The following HHLA2 variants were observed in gnomAD, a reference collection of about 807,000 sequenced individuals.
HHLA2 encodes HHLA2 member of B7 family, also known as HERV-H LTR-associating protein 2.
HHLA2 carries 48 observed loss-of-function variants against 45.9 expected under a neutral mutation model. The ratio of observed to expected loss-of-function variants is 1.05; its 90% CI spans 0.83 to 1.33. HHLA2 has a LOEUF of 1.33. Among genes scored for constraint, HHLA2 ranks in the 40% most tolerant of loss-of-function variants. HHLA2 has a pLI of 0.00. For synonymous variants in HHLA2, 161 were observed against 173.9 expected, an observed-to-expected ratio of 0.93 and a Z score of 0.59; for missense variants, 462 against 494.3, an observed-to-expected ratio of 0.93 and a Z score of 0.62.
Position 108,362,328 on chromosome 3 carries a change from C to CTTT in HHLA2, c.1004-5_1004-3dup, listed in dbSNP as rs746402425. On this transcript the variant is annotated splice_polypyrimidine_tract_variant and intron_variant, in intron 7 of 10. Coordinates refer to ENST00000619531, the Ensembl canonical transcript of HHLA2. ...TTCCAGTTCACAGACTTTGTTTCTC[C>CTTT]TTTTTTTTTTTAGAACCGAGCCAAG... is the stretch of plus-strand genomic sequence containing the variant. The CTTT allele has an allele frequency of 5.8e-6, 7 of 1,217,060 alleles. No individual in the cohort carries two copies. Among genetic ancestry groups the CTTT allele is most frequent in the Admixed American group, 2.0e-5 (1 of 48,870 alleles). 75.4% of individuals were successfully genotyped at this position (1,217,060 alleles called of 1,614,324 possible). A position where few individuals can be genotyped will look rare whatever the true frequency, so the allele number is the denominator to read the frequency against.
At chr3:108,326,499 T>C (rs147881150) in intron 2 of HHLA2, 94 of 152,288 alleles carry the variant, frequency 6.2e-4, no homozygotes, top group African/African-American at 2.0e-3. Context: ...GAATCAATTA[T>C]CTCCCACTGA....
intron 3 of HHLA2, among the ~76,000 whole-genome samples, chr3:108,332,889 G>A (rs868123376): frequency 6.6e-6 from 1 of 152,096 alleles, no homozygotes; most frequent in African/African-American, 2.4e-5. Context: ...TCCATGGTTT[G>A]CTTGTTATTC....
chr3:108,351,923 T>C (rs1371160838), intron 4 of HHLA2, 46 bp downstream of exon 3: 2 of 1,322,386 alleles, frequency 1.5e-6, no homozygotes, highest in Non-Finnish European at 1.1e-6. Context: ...CATTATCAGA[T>C]AGAAACATGA....
chr3:108,362,351 A>G, exon 8 of HHLA2: 1 of 1,610,456 alleles, frequency 6.2e-7, no homozygotes, highest in Admixed American at 1.7e-5. Context: ...GAACCGAGCC[A>G]AGAAACAGCT....
At chr3:108,321,147 C>T (rs1474118499) in intron 2 of HHLA2, among the ~76,000 whole-genome samples, 1 of 138,742 alleles carries the variant, frequency 7.2e-6, no homozygotes, top group Non-Finnish European at 1.6e-5. Context: ...ATGGTTCTAA[C>T]AGGCAGAGGC....
chr3:108,312,019 G>A (rs113044396), intron 2 of HHLA2, among the ~76,000 whole-genome samples: 4 of 152,268 alleles, frequency 2.6e-5, no homozygotes, highest in African/African-American at 9.6e-5. Flanking sequence ...CCAGCCAATG[G>A]CAGGCACAGG....
Position 108,319,169 on chromosome 3 carries a change from G to A in HHLA2, c.-105+8428G>A, listed in dbSNP as rs2081154604. ...AATATGAGGGCCTGGGTGGGAAAGAGGCAAAGACCCTAAAAGAAACCATAG... is the reference window on the plus strand; with the variant it reads ...AATATGAGGGCCTGGGTGGGAAAGAAGCAAAGACCCTAAAAGAAACCATAG... On this transcript the variant is annotated intron_variant, in intron 2 of 10. Transcript: ENST00000619531. 1.3e-5 allele frequency among the ~76,000 whole-genome samples: 2 copies of A among 151,976 alleles called. 1 individual carries two copies. The highest frequency in any genetic ancestry group is 3.8e-4 in the East Asian group (2 of 5,196).
At chr3:108,304,303 C>CAT (rs957921955) in intron 1 of HHLA2, among the ~76,000 whole-genome samples, 8 of 152,190 alleles carry the variant, frequency 5.3e-5, no homozygotes, top group African/African-American at 1.9e-4. Flanking sequence ...TTAAGAAAAA[C>CAT]ATATCCTCTC....
At chr3:108,343,162 A>G (rs1310369277) in intron 3 of HHLA2, among the ~76,000 whole-genome samples, 2 of 152,198 alleles carry the variant, frequency 1.3e-5, no homozygotes, top group Non-Finnish European at 2.9e-5. Flanking sequence ...GGAGGTCAAG[A>G]TAAGTTGGAG....
chr3:108,362,855 G>C (rs2082004080), intron 8 of HHLA2, among the ~76,000 whole-genome samples: 2 of 152,056 alleles, frequency 1.3e-5, no homozygotes, highest in African/African-American at 4.8e-5. Flanking sequence ...AAAGAAAAAA[G>C]CCAAAGCTTT....
At chr3:108,369,646 T>A (rs573333397) in intron 8 of HHLA2, among the ~76,000 whole-genome samples, 19 of 152,260 alleles carry the variant, frequency 1.2e-4, no homozygotes, top group African/African-American at 4.1e-4. Context: ...GCTTAACAAA[T>A]GGCACACCAG....
At chr3:108,331,564 A>T (rs1176627700) in intron 3 of HHLA2, among the ~76,000 whole-genome samples, 1 of 152,172 alleles carries the variant, frequency 6.6e-6, no homozygotes, top group Non-Finnish European at 1.5e-5. Context: ...TGAAACATTG[A>T]TGTATTAGAT....
intron 1 of HHLA2, among the ~76,000 whole-genome samples, chr3:108,309,131 C>CA (rs1258044779): frequency 6.6e-6 from 1 of 152,116 alleles, no homozygotes; most frequent in Non-Finnish European, 1.5e-5. Context: ...GTAACCGTTT[C>CA]ATGGTTTGAG....
At chr3:108,343,174 G>A (rs544277278) in intron 3 of HHLA2, among the ~76,000 whole-genome samples, 5 of 152,166 alleles carry the variant, frequency 3.3e-5, no homozygotes, top group Non-Finnish European at 5.9e-5. Flanking sequence ...AAGTTGGAGG[G>A]CATTTTATTT....
chr3:108,309,260 G>A (rs1238697288), intron 1 of HHLA2, among the ~76,000 whole-genome samples: 1 of 152,136 alleles, frequency 6.6e-6, no homozygotes, highest in African/African-American at 2.4e-5. Flanking sequence ...ATATATTGAA[G>A]AGACTATCTT....
chr3:108,352,369 T>G (rs1199769461), intron 4 of HHLA2, among the ~76,000 whole-genome samples: 1 of 152,170 alleles, frequency 6.6e-6, no homozygotes, highest in East Asian at 1.9e-4. Context: ...AGAGATTAAG[T>G]CTCTCTGAGG....
chr3:108,307,005 G>A (rs75359334), intron 1 of HHLA2, among the ~76,000 whole-genome samples: 14,672 of 152,000 alleles, frequency 0.097, 1,447 homozygotes, highest in East Asian at 0.52. Context: ...ACAGGCATCC[G>A]CCACCATGCC....
intron 8 of HHLA2, 56 bp from the exon 8 acceptor site, chr3:108,375,694 G>C: frequency 1.3e-6 from 2 of 1,580,822 alleles, no homozygotes; most frequent in Non-Finnish European, 1.7e-6. Flanking sequence ...ACCTTACAGG[G>C]AAACAGCTGG....
chr3:108,346,287 A>C (rs1051699783), intron 3 of HHLA2, among the ~76,000 whole-genome samples: 6 of 152,194 alleles, frequency 3.9e-5, no homozygotes, highest in African/African-American at 9.7e-5. Context: ...ATTTTGAGTA[A>C]AGAGAGGGTA....
Sources: gnomAD v4.1 joint callset for allele counts (sites outside exome capture counted in the v4.1 genomes callset) on GRCh38, gnomAD v4.1.1 for gene constraint, MANE v1.5 for transcripts, NCBI Gene and HGNC (gene_info 2026-07-23, HGNC 2026-07-21) for gene names.